Variants in ATRNL1 observed in about 807,000 individuals in gnomAD.
The protein encoded by ATRNL1 is attractin like 1, also known as attractin-like protein 1.
Under a neutral mutation model 182.7 loss-of-function variants are expected in ATRNL1, and 95 were observed. The observed-to-expected ratio is 0.52, with a 90% CI of 0.44 to 0.62. The LOEUF is 0.62. Ranked by LOEUF, ATRNL1 falls within the 20% of genes least tolerant of loss-of-function variation. The probability of loss-of-function intolerance (pLI) is 0.00; values close to 1 mark genes in which losing one functional copy is unlikely to be tolerated. For missense variants in ATRNL1, 1,471 were observed against 1,679.5 expected, an observed-to-expected ratio of 0.88 and a Z score of 2.17; for synonymous variants, 576 against 568.3, an observed-to-expected ratio of 1.01 and a Z score of -0.19.
At chr10:115,477,016 G>A (rs1385845943) in intron 24 of ATRNL1, among the ~76,000 whole-genome samples, 1 of 151,378 alleles carries the variant, frequency 6.6e-6, no homozygotes, top group Non-Finnish European at 1.5e-5. Context: ...TGAGAGATGA[G>A]TAATATATTT....
chr10:115,748,087 C>T (rs1948344377), intron 27 of ATRNL1, among the ~76,000 whole-genome samples: 1 of 152,026 alleles, frequency 6.6e-6, no homozygotes, highest in African/African-American at 2.4e-5. Context: ...TTCTTTGTTG[C>T]CCCTAAGCAT....
chr10:115,679,163 T>G (rs1945966826), intron 26 of ATRNL1, among the ~76,000 whole-genome samples: 1 of 152,128 alleles, frequency 6.6e-6, no homozygotes, highest in Admixed American at 6.6e-5. Flanking sequence ...ATTATCCTCT[T>G]TGGCCATATC....
At chr10:115,807,713 A>G (rs34810285) in intron 27 of ATRNL1, among the ~76,000 whole-genome samples, 1 of 152,204 alleles carries the variant, frequency 6.6e-6, no homozygotes, top group Non-Finnish European at 1.5e-5. Context: ...AAGATATAAT[A>G]CAAGATAGAA....
intron 25 of ATRNL1, among the ~76,000 whole-genome samples, chr10:115,526,059 A>G (rs1358683774): frequency 6.6e-6 from 1 of 152,176 alleles, no homozygotes; most frequent in Non-Finnish European, 1.5e-5. Context: ...CCTAAGAGAG[A>G]AGAGAGCTCT....
chr10:115,578,912 T>G (rs1281084256), intron 26 of ATRNL1, among the ~76,000 whole-genome samples: 1 of 151,716 alleles, frequency 6.6e-6, no homozygotes, highest in African/African-American at 2.4e-5. Flanking sequence ...TTTCTTACGT[T>G]GTATTTCCAT....
intron 28 of ATRNL1, among the ~76,000 whole-genome samples, chr10:115,863,169 C>T (rs1350930328): frequency 3.3e-5 from 5 of 152,014 alleles, no homozygotes; most frequent in Non-Finnish European, 1.5e-5. Context: ...AACTCTGACC[C>T]TTAGAAAAAA....
At chr10:115,423,555 A>C (rs1554962315) in intron 20 of ATRNL1, among the ~76,000 whole-genome samples, 2 of 152,160 alleles carry the variant, frequency 1.3e-5, no homozygotes, top group Non-Finnish European at 2.9e-5. Flanking sequence ...TGAACAAACA[A>C]ACAAACAAGT....
chr10:115,145,166 T>C (rs1446412551), intron 5 of ATRNL1, among the ~76,000 whole-genome samples: 1 of 152,198 alleles, frequency 6.6e-6, no homozygotes, highest in East Asian at 1.9e-4. Flanking sequence ...AGCATACATA[T>C]TTTGATAATA....
At chr10:115,259,543 AG>A (rs1179589539) in intron 10 of ATRNL1, among the ~76,000 whole-genome samples, 3 of 152,180 alleles carry the variant, frequency 2.0e-5, no homozygotes, top group Non-Finnish European at 4.4e-5. Flanking sequence ...TGGCTAGGAA[AG>A]GGAAATCCCC....
At chr10:115,733,306 C>A (rs6585353) in intron 27 of ATRNL1, among the ~76,000 whole-genome samples, 6,130 of 152,058 alleles carry the variant, frequency 0.04, 408 homozygotes, top group African/African-American at 0.14. Context: ...TTCTCTCCAC[C>A]TATAAAGAAA....
At chr10:115,760,430 T>G (rs1431799872) in intron 27 of ATRNL1, among the ~76,000 whole-genome samples, 1 of 152,126 alleles carries the variant, frequency 6.6e-6, no homozygotes, top group African/African-American at 2.4e-5. Flanking sequence ...AATTTATAAC[T>G]AATTTTAAAC....
rs185551844 is a variant in ATRNL1 at position 115,252,694 on chromosome 10, A to C, written c.1687+10969A>C. Among the ~76,000 whole-genome samples, 20 of 152,314 alleles carry C rather than the reference A, an allele frequency of 1.3e-4. No homozygotes were observed. The East Asian group carries it at 3.5e-3, about 26-fold the overall frequency. Reference sequence around the variant, plus strand: ...TGGGGCTTGACCTTCTTTAATTGACAGATCTTCTATAATTGGCAGTCTCGT... The same window carrying C: ...TGGGGCTTGACCTTCTTTAATTGACCGATCTTCTATAATTGGCAGTCTCGT... On this transcript the variant is annotated intron_variant, in intron 10 of 28. Coordinates refer to ENST00000355044, the MANE Select transcript of ATRNL1 (RefSeq NM_207303.4).
At chr10:115,349,283 C>G (rs1405712707) in intron 19 of ATRNL1, among the ~76,000 whole-genome samples, 2 of 152,142 alleles carry the variant, frequency 1.3e-5, no homozygotes, top group African/African-American at 4.8e-5. Context: ...TTGCAAATGA[C>G]AGGATTTCAT....
intron 27 of ATRNL1, among the ~76,000 whole-genome samples, chr10:115,825,756 G>C (rs1950415847): frequency 1.3e-5 from 2 of 152,080 alleles, no homozygotes; most frequent in African/African-American, 2.4e-5. Context: ...CCAGCTTTCT[G>C]GCCAAATGCT....
At chr10:115,389,584 A>G (rs529488472) in intron 19 of ATRNL1, among the ~76,000 whole-genome samples, 6 of 97,442 alleles carry the variant, frequency 6.2e-5, no homozygotes, top group Non-Finnish European at 1.0e-4. Context: ...ATATATATAT[A>G]TATATATTTC....
At chr10:115,772,920 G>A (rs1949031548) in intron 27 of ATRNL1, among the ~76,000 whole-genome samples, 1 of 152,080 alleles carries the variant, frequency 6.6e-6, no homozygotes, top group Admixed American at 6.6e-5. Context: ...AGCATGGAGG[G>A]AAATTGTCTT....
chr10:115,838,931 C>T (rs1357332151), intron 27 of ATRNL1, among the ~76,000 whole-genome samples: 4 of 152,036 alleles, frequency 2.6e-5, no homozygotes, highest in Non-Finnish European at 5.9e-5. Flanking sequence ...TGTACCAAGT[C>T]ATATTAAACT....
At chr10:115,223,961 A>C in intron 9 of ATRNL1, among the ~76,000 whole-genome samples, 1 of 57,928 alleles carries the variant, frequency 1.7e-5, no homozygotes. Flanking sequence ...TTTGAGACAG[A>C]CTCTCACTCC....
chr10:115,909,982 T>C (rs1432715667), intron 28 of ATRNL1, among the ~76,000 whole-genome samples: 1 of 152,194 alleles, frequency 6.6e-6, no homozygotes, highest in Non-Finnish European at 1.5e-5. Flanking sequence ...TTACTGAGGA[T>C]GTTGCAACCT....
Sources: gnomAD v4.1 joint callset for allele counts (sites outside exome capture counted in the v4.1 genomes callset) on GRCh38, gnomAD v4.1.1 for gene constraint, MANE v1.5 for transcripts, NCBI Gene and HGNC (gene_info 2026-07-23, HGNC 2026-07-21) for gene names.